The following CACNA2D1 variants were observed in gnomAD, a reference collection of about 807,000 sequenced individuals.
CACNA2D1 encodes calcium voltage-gated channel auxiliary subunit alpha2delta 1, also known as voltage-dependent calcium channel subunit alpha-2/delta-1.
CACNA2D1 carries 53 observed loss-of-function variants against 171.5 expected under a neutral mutation model. The ratio of observed to expected loss-of-function variants is 0.31; its 90% confidence interval spans 0.25 to 0.39. The LOEUF (loss-of-function observed/expected upper bound fraction) is 0.39. Among genes scored for constraint, CACNA2D1 ranks in the 10% least tolerant of loss-of-function variants. The pLI is 1.00. For missense variants in CACNA2D1, 903 were observed against 1,299.8 expected (o/e 0.69, Z 4.69); for synonymous variants, 442 against 443.1 (o/e 1.00, Z 0.03).
intron 6 of CACNA2D1, among the ~76,000 whole-genome samples, chr7:82,087,391 A>G (rs1810599927): frequency 6.6e-6 from 1 of 152,100 alleles, no homozygotes; most frequent in Non-Finnish European, 1.5e-5. Flanking sequence ...TTCACTGAAC[A>G]ATGTTCTTCA....
chr7:82,420,928 T>G (rs565416756), intron 1 of CACNA2D1, among the ~76,000 whole-genome samples: 1 of 152,242 alleles, frequency 6.6e-6, no homozygotes, highest in Admixed American at 6.5e-5. Context: ...CTTCTTCAAG[T>G]CCATATCCTT....
chr7:81,960,550 T>A (rs932748526), intron 36 of CACNA2D1, among the ~76,000 whole-genome samples: 1 of 152,078 alleles, frequency 6.6e-6, no homozygotes, highest in Non-Finnish European at 1.5e-5. Flanking sequence ...ACATAAAAAA[T>A]GTAAATATAT....
At chr7:82,082,829 G>A (rs987279285) in intron 7 of CACNA2D1, among the ~76,000 whole-genome samples, 16 of 151,724 alleles carry the variant, frequency 1.1e-4, no homozygotes, top group African/African-American at 3.4e-4. Flanking sequence ...GAAAATATAT[G>A]ATTAGCATCA....
chr7:82,306,894 T>C lies in CACNA2D1; in HGVS notation c.294+28241A>G, dbSNP rs1216380106. On this transcript the variant is annotated intron_variant, in intron 3 of 38. Coordinates refer to ENST00000356860, the MANE Select transcript of CACNA2D1 (RefSeq NM_000722.4). Reference sequence around the variant, plus strand: ...AAAAAATACAAAAAAAAAAAAAAAATAGCCTTAAAATCTCTCTTGGCAAAA... The same window carrying C: ...AAAAAATACAAAAAAAAAAAAAAAACAGCCTTAAAATCTCTCTTGGCAAAA... Among the ~76,000 whole-genome samples, 10 of 137,732 alleles carry C rather than the reference T, an allele frequency of 7.3e-5. No individual in the cohort carries two copies. In the South Asian group the frequency reaches 2.1e-3, roughly 29 times the overall value. 90.4% of individuals were successfully genotyped at this position (137,732 alleles called of 152,430 possible).
chr7:82,181,652 C>G (rs1055380081), intron 3 of CACNA2D1, among the ~76,000 whole-genome samples: 3 of 152,216 alleles, frequency 2.0e-5, no homozygotes, highest in African/African-American at 7.2e-5. Flanking sequence ...AAAGCAAGCT[C>G]TCATATCTGA....
intron 4 of CACNA2D1, among the ~76,000 whole-genome samples, chr7:82,155,006 G>C (rs1563129890): frequency 6.6e-6 from 1 of 152,058 alleles, no homozygotes; most frequent in Non-Finnish European, 1.5e-5. Context: ...GTACTCATGA[G>C]AGTGAGTTCT....
At chr7:82,172,556 G>A (rs1224050331) in intron 3 of CACNA2D1, among the ~76,000 whole-genome samples, 3 of 149,644 alleles carry the variant, frequency 2.0e-5, no homozygotes, top group African/African-American at 7.4e-5. Context: ...GGGCTCAAGT[G>A]ATCCTCCCAC....
intron 6 of CACNA2D1, among the ~76,000 whole-genome samples, chr7:82,105,510 C>T (rs1244811648): frequency 1.3e-5 from 2 of 148,518 alleles, no homozygotes; most frequent in East Asian, 2.0e-4. Flanking sequence ...CAAAAAATTC[C>T]TCTGACTTAT....
intron 1 of CACNA2D1, among the ~76,000 whole-genome samples, chr7:82,350,493 G>A (rs1345937187): frequency 1.3e-5 from 2 of 152,108 alleles, no homozygotes; most frequent in Middle Eastern, 3.4e-3. Context: ...GTGAAACCCC[G>A]TCTCTACTAA....
chr7:82,257,999 C>T (rs1806505186), intron 3 of CACNA2D1, among the ~76,000 whole-genome samples: 3 of 151,826 alleles, frequency 2.0e-5, no homozygotes, highest in African/African-American at 4.8e-5. Flanking sequence ...GGAGGGAGAC[C>T]CCAGTGTTGG....
chr7:82,283,722 T>A (rs1810411963), intron 3 of CACNA2D1, among the ~76,000 whole-genome samples: 1 of 152,024 alleles, frequency 6.6e-6, no homozygotes, highest in African/African-American at 2.4e-5. Flanking sequence ...TTAAATTGCA[T>A]AAGGGAAAAA....
chr7:82,308,243 C>T (rs1813975184), intron 3 of CACNA2D1, among the ~76,000 whole-genome samples: 1 of 152,148 alleles, frequency 6.6e-6, no homozygotes, highest in African/African-American at 2.4e-5. Flanking sequence ...ATTGATTGTT[C>T]CCCCTTCAAA....
At chr7:82,367,725 G>C (rs1185087585) in intron 1 of CACNA2D1, among the ~76,000 whole-genome samples, 2 of 152,094 alleles carry the variant, frequency 1.3e-5, no homozygotes, top group Admixed American at 6.6e-5. Context: ...AAGCAGAGTA[G>C]TCAAATTGGT....
At chr7:82,000,971 C>CT (rs998917123) in intron 18 of CACNA2D1, among the ~76,000 whole-genome samples, 6 of 151,610 alleles carry the variant, frequency 4.0e-5, no homozygotes, top group African/African-American at 1.5e-4. Flanking sequence ...GGCTTACCTA[C>CT]ACAATCTTAA....
intron 3 of CACNA2D1, among the ~76,000 whole-genome samples, chr7:82,211,037 A>G (rs1243004954): frequency 6.6e-6 from 1 of 152,156 alleles, no homozygotes; most frequent in Non-Finnish European, 1.5e-5. Flanking sequence ...TGCTATAAGT[A>G]GACCTATTTA....
chr7:82,017,845 T>C (rs749655832), intron 12 of CACNA2D1, among the ~76,000 whole-genome samples: 3 of 152,056 alleles, frequency 2.0e-5, no homozygotes, highest in Non-Finnish European at 4.4e-5. Flanking sequence ...AGCTAAATAT[T>C]TCATCTTAAC....
At chr7:82,437,277 AATAAC>A (rs1330737991) in intron 1 of CACNA2D1, among the ~76,000 whole-genome samples, 1 of 152,184 alleles carries the variant, frequency 6.6e-6, no homozygotes, top group Non-Finnish European at 1.5e-5. Flanking sequence ...ATTTGAATAA[AATAAC>A]ATTGGAATTG....
At chr7:82,372,356 G>A (rs1276393987) in intron 1 of CACNA2D1, among the ~76,000 whole-genome samples, 2 of 151,934 alleles carry the variant, frequency 1.3e-5, no homozygotes, top group African/African-American at 4.8e-5. Flanking sequence ...TCAAAAATAA[G>A]CTATAAACTT....
At chr7:82,167,630 G>A (rs1795591094) in intron 4 of CACNA2D1, among the ~76,000 whole-genome samples, 1 of 152,082 alleles carries the variant, frequency 6.6e-6, no homozygotes, top group African/African-American at 2.4e-5. Context: ...GCCAAGGTTA[G>A]ATATGGGAAA....
Sources: allele counts gnomAD v4.1 joint callset (sites outside exome capture counted in the v4.1 genomes callset), GRCh38; gene constraint gnomAD v4.1.1; transcripts MANE v1.5; gene names NCBI Gene and HGNC (gene_info 2026-07-23, HGNC 2026-07-21).